HCRTR2: variants seen among roughly 807,000 people sequenced by gnomAD.
HCRTR2 encodes the protein hypocretin receptor 2.
In HCRTR2, 22 loss-of-function variants were observed where a neutral mutation model predicts 49.0. That is an observed-to-expected ratio of 0.45 (90% CI 0.32 to 0.64). HCRTR2 has a LOEUF of 0.64. HCRTR2 is among the 30% of genes least tolerant of loss of function. The pLI, the probability that HCRTR2 is intolerant of heterozygous loss-of-function variation, is 0.04. For synonymous variants in HCRTR2, 236 were observed against 205.3 expected, an observed-to-expected ratio of 1.15 and a Z score of -1.28; for missense variants, 491 against 559.4, an observed-to-expected ratio of 0.88 and a Z score of 1.23.
intron 1 of HCRTR2, among the ~76,000 whole-genome samples, chr6:55,227,659 C>A (rs1766035525): frequency 6.6e-6 from 1 of 152,084 alleles, no homozygotes; most frequent in African/African-American, 2.4e-5. Context: ...AGAACAGCTA[C>A]TATATGATAT....
chr6:55,216,455 G>T (rs977098621), intron 1 of HCRTR2, among the ~76,000 whole-genome samples: 1 of 152,114 alleles, frequency 6.6e-6, no homozygotes, highest in Admixed American at 6.5e-5. Flanking sequence ...ATCAAAACAA[G>T]TCATATAATT....
chr6:55,215,635 A>G (rs1765774048), intron 1 of HCRTR2, among the ~76,000 whole-genome samples: 1 of 152,212 alleles, frequency 6.6e-6, no homozygotes, highest in African/African-American at 2.4e-5. Flanking sequence ...ATTAATGAAT[A>G]CACAATGTAA....
At chr6:55,244,733 T>C (rs890667904) in intron 1 of HCRTR2, among the ~76,000 whole-genome samples, 1 of 152,138 alleles carries the variant, frequency 6.6e-6, no homozygotes, top group South Asian at 2.1e-4. Flanking sequence ...ATATATGTAG[T>C]TCTGAATAGT....
chr6:55,269,183 C>T (rs1263699110), intron 4 of HCRTR2, among the ~76,000 whole-genome samples: 1 of 150,346 alleles, frequency 6.7e-6, no homozygotes, highest in Non-Finnish European at 1.5e-5. Context: ...CTGGGCTTAA[C>T]AGATATTTTA....
At chr6:55,151,167 G>T (rs1358199363) in intron 1 of HCRTR2, among the ~76,000 whole-genome samples, 1 of 151,958 alleles carries the variant, frequency 6.6e-6, no homozygotes, top group Non-Finnish European at 1.5e-5. Flanking sequence ...TGAAGGTTGA[G>T]GTGGCTGTGG....
Position 55,277,373 on chromosome 6 carries a change from C to G in HCRTR2, c.763-7C>G. On this transcript the variant is annotated splice_polypyrimidine_tract_variant and splice_region_variant and intron_variant, in intron 4 of 6. Coordinates refer to ENST00000370862, the MANE Select transcript of HCRTR2 (RefSeq NM_001384272.1). ...TTGCAATAAGGGTCTGTCTCTTCTCCTTTCAGATCCCTGGAACATCATCTG... is the reference window on the plus strand; with the variant it reads ...TTGCAATAAGGGTCTGTCTCTTCTCGTTTCAGATCCCTGGAACATCATCTG... The G allele has an allele frequency of 6.2e-7, 1 of 1,610,414 alleles. No homozygotes were observed. Among genetic ancestry groups the G allele is most frequent in the Non-Finnish European group, 8.5e-7 (1 of 1,176,750 alleles).
In HCRTR2 at chr6:55,178,202, A is replaced by C. The variant is rs536161172; in HGVS notation, c.223+3392A>C. Among the ~76,000 whole-genome samples, 8 of 152,220 alleles carry C rather than the reference A, an allele frequency of 5.3e-5. No individual in the cohort carries two copies. The South Asian group carries it at 1.5e-3, about 28-fold the overall frequency. ...ACAATTGTAGGGAGAAATGTGTTCT[A>C]GTCAGTTTAAACATTAAGTACCTAG... On this transcript the variant is annotated intron_variant, in intron 1 of 6. Transcript: ENST00000370862.
chr6:55,206,352 T>A (rs979096810), intron 1 of HCRTR2, among the ~76,000 whole-genome samples: 1 of 152,070 alleles, frequency 6.6e-6, no homozygotes, highest in Non-Finnish European at 1.5e-5. Context: ...AAAACAAAAA[T>A]ATGATTTCAC....
intron 1 of HCRTR2, among the ~76,000 whole-genome samples, chr6:55,202,036 G>GT (rs1765521484): frequency 6.6e-6 from 1 of 152,104 alleles, no homozygotes; most frequent in African/African-American, 2.4e-5. Flanking sequence ...AAAATTAAAT[G>GT]TAAGTTCCTG....
intron 1 of HCRTR2, among the ~76,000 whole-genome samples, chr6:55,126,031 G>T (rs1764271340): frequency 6.6e-6 from 1 of 152,086 alleles, no homozygotes; most frequent in South Asian, 2.1e-4. Context: ...TTTTTTCAAG[G>T]TTCTTAGCTT....
At chr6:55,168,549 T>C (rs1330598603) in intron 1 of HCRTR2, among the ~76,000 whole-genome samples, 1 of 152,136 alleles carries the variant, frequency 6.6e-6, no homozygotes, top group Non-Finnish European at 1.5e-5. Flanking sequence ...GTCAGTTTCT[T>C]CATTTGTAAA....
chr6:55,250,111 T>A (rs1374903528), intron 2 of HCRTR2, among the ~76,000 whole-genome samples: 2 of 152,106 alleles, frequency 1.3e-5, no homozygotes, highest in African/African-American at 4.8e-5. Flanking sequence ...ACATTGTTTA[T>A]AGAATAGTAA....
At chr6:55,213,019 C>T (rs1030561968) in intron 1 of HCRTR2, among the ~76,000 whole-genome samples, 2 of 151,600 alleles carry the variant, frequency 1.3e-5, no homozygotes, top group African/African-American at 4.9e-5. Context: ...GTATGTGGAT[C>T]AGGTAGTTGC....
intron 1 of HCRTR2, among the ~76,000 whole-genome samples, chr6:55,154,235 C>T (rs1764700633): frequency 6.6e-6 from 1 of 151,808 alleles, no homozygotes. Flanking sequence ...TTATACTCTT[C>T]CAAAAAGAAA....
chr6:55,217,084 G>A (rs190709824), intron 1 of HCRTR2, among the ~76,000 whole-genome samples: 12 of 152,204 alleles, frequency 7.9e-5, no homozygotes, highest in Admixed American at 5.2e-4. Flanking sequence ...GGAATGATGC[G>A]CTCACATGAA....
At chr6:55,160,454 T>A (rs1276101515) in intron 1 of HCRTR2, among the ~76,000 whole-genome samples, 4 of 152,160 alleles carry the variant, frequency 2.6e-5, no homozygotes, top group Non-Finnish European at 1.5e-5. Flanking sequence ...CCAGCTAGCA[T>A]TATAATGACA....
At chr6:55,119,964 G>A (rs980235240) in intron 1 of HCRTR2, among the ~76,000 whole-genome samples, 1 of 152,018 alleles carries the variant, frequency 6.6e-6, no homozygotes, top group African/African-American at 2.4e-5. Flanking sequence ...ATAAGGAAGG[G>A]GTCCAGTTTC....
chr6:55,129,314 T>C (rs960150005), intron 1 of HCRTR2, among the ~76,000 whole-genome samples: 3 of 152,064 alleles, frequency 2.0e-5, no homozygotes, highest in African/African-American at 7.2e-5. Context: ...AAATTGAAAC[T>C]CCTTCCTAAA....
chr6:55,241,242 G>T (rs145810104), intron 1 of HCRTR2, among the ~76,000 whole-genome samples: 3,763 of 150,848 alleles, frequency 0.025, 66 homozygotes, highest in Middle Eastern at 0.062. Context: ...TTGTTCTTGC[G>T]ATAGTTTACT....
Sources: allele counts gnomAD v4.1 joint callset (sites outside exome capture counted in the v4.1 genomes callset), GRCh38; gene constraint gnomAD v4.1.1; transcripts MANE v1.5; gene names NCBI Gene and HGNC (gene_info 2026-07-23, HGNC 2026-07-21).